The following BNC2 variants were observed in gnomAD, a reference collection of about 807,000 sequenced individuals.
BNC2 encodes the protein basonuclin zinc finger protein 2, also known as zinc finger protein basonuclin-2.
BNC2 carries 20 observed loss-of-function variants against 76.3 expected under a neutral mutation model. That is an observed-to-expected ratio of 0.26 (90% CI 0.18 to 0.38). The LOEUF (loss-of-function observed/expected upper bound fraction) is 0.38, where lower values mean the gene tolerates loss of function less well. Among genes scored for constraint, BNC2 ranks in the 10% least tolerant of loss-of-function variants. BNC2 has a pLI of 1.00. For missense variants in BNC2, 1,382 were observed against 1,399.8 expected, an observed-to-expected ratio of 0.99 and a Z score of 0.20; for synonymous variants, 582 against 514.8, an observed-to-expected ratio of 1.13 and a Z score of -1.77.
intron 3 of BNC2, among the ~76,000 whole-genome samples, chr9:16,721,542 G>A (rs776583171): frequency 6.6e-6 from 1 of 152,130 alleles, no homozygotes; most frequent in Non-Finnish European, 1.5e-5. Flanking sequence ...AAGGTCTGGA[G>A]AAGGGTGGTC....
intron 3 of BNC2, among the ~76,000 whole-genome samples, chr9:16,667,080 T>TACACACACACACACAC (rs139744564): frequency 7.0e-6 from 1 of 142,414 alleles, no homozygotes; most frequent in Non-Finnish European, 1.6e-5. Context: ...CAGATACACA[T>TACACACACACACACAC]ACACACACAC....
chr9:16,675,566 T>G (rs2134226927), intron 3 of BNC2, among the ~76,000 whole-genome samples: 1 of 152,278 alleles, frequency 6.6e-6, no homozygotes, highest in South Asian at 2.1e-4. Flanking sequence ...CCTGGCCTAA[T>G]TTTCGAAGAA....
At position 16,510,250 on chromosome 9, in the gene BNC2, TC is replaced by T. The variant is rs567400927; in HGVS notation, c.669+42279del. On this transcript the variant is annotated intron_variant, in intron 5 of 6. Transcript: ENST00000380672. ...TCTACAAAAGAGAAAATGTCCAACT[TC>T]CTCACTGGGTGGACAGCCTCCTGCT... Among the ~76,000 whole-genome samples the T allele has an allele frequency of 2.1e-4, 32 of 152,296 alleles. No homozygotes were observed. In the South Asian group the frequency reaches 6.6e-3, roughly 32 times the overall value.
At chr9:16,669,307 C>T (rs1487284148) in intron 3 of BNC2, among the ~76,000 whole-genome samples, 1 of 152,160 alleles carries the variant, frequency 6.6e-6, no homozygotes, top group Non-Finnish European at 1.5e-5. Flanking sequence ...ACTCCTTATC[C>T]TCTAGATGGA....
intron 1 of BNC2, among the ~76,000 whole-genome samples, chr9:16,805,530 A>G (rs1379678099): frequency 6.6e-6 from 1 of 151,928 alleles, no homozygotes; most frequent in Non-Finnish European, 1.5e-5. Context: ...GTTTCATCAT[A>G]TTGGTCAGGC....
chr9:16,686,956 C>T (rs1822996941), intron 3 of BNC2, among the ~76,000 whole-genome samples: 1 of 152,072 alleles, frequency 6.6e-6, no homozygotes, highest in Non-Finnish European at 1.5e-5. Flanking sequence ...ACTCTTTACC[C>T]AAGAGTTTCA....
intron 1 of BNC2, among the ~76,000 whole-genome samples, chr9:16,851,444 T>A (rs1819124928): frequency 6.6e-6 from 1 of 152,092 alleles, no homozygotes; most frequent in African/African-American, 2.4e-5. Context: ...AGGTCAAGGC[T>A]GCAGTGAGCC....
chr9:16,699,422 T>C (rs1482888863), intron 3 of BNC2, among the ~76,000 whole-genome samples: 2 of 152,242 alleles, frequency 1.3e-5, no homozygotes, highest in Admixed American at 1.3e-4. Context: ...CAGTGACTGA[T>C]TCTCAGTGAA....
intron 3 of BNC2, among the ~76,000 whole-genome samples, chr9:16,651,126 GA>G (rs1821783064): frequency 6.6e-6 from 1 of 152,122 alleles, no homozygotes; most frequent in South Asian, 2.1e-4. Flanking sequence ...ATGCAAAAAA[GA>G]AGGCTTGAAT....
intron 1 of BNC2, among the ~76,000 whole-genome samples, chr9:16,781,246 G>GATCTGGATTCAAGACCTCACGTT (rs58363689): frequency 6.6e-6 from 1 of 151,812 alleles, no homozygotes; most frequent in African/African-American, 2.4e-5. Flanking sequence ...AAGGTCTGAA[G>GATCTGGATTCAAGACCTCACGTT]ATCAGGGCTG....
At chr9:16,455,974 T>C (rs1821439519) in intron 5 of BNC2, among the ~76,000 whole-genome samples, 1 of 152,178 alleles carries the variant, frequency 6.6e-6, no homozygotes, top group Non-Finnish European at 1.5e-5. Context: ...GAATTGCTTC[T>C]CTCTGTGAAC....
chr9:16,667,639 T>C (rs1587293813), intron 3 of BNC2, among the ~76,000 whole-genome samples: 1 of 152,176 alleles, frequency 6.6e-6, no homozygotes, highest in South Asian at 2.1e-4. Context: ...CTAGCATAAA[T>C]TATTTAGATA....
At chr9:16,603,205 T>G (rs1298037237) in intron 3 of BNC2, among the ~76,000 whole-genome samples, 1 of 152,188 alleles carries the variant, frequency 6.6e-6, no homozygotes, top group Non-Finnish European at 1.5e-5. Context: ...AACAGAAATG[T>G]TCACACACTA....
chr9:16,729,898 A>C (rs1482338943), intron 2 of BNC2, among the ~76,000 whole-genome samples: 1 of 152,102 alleles, frequency 6.6e-6, no homozygotes, highest in Non-Finnish European at 1.5e-5. Context: ...GACACTGTCA[A>C]TAGCAAGCTT....
At chr9:16,553,004 A>G (rs1410872097) in intron 4 of BNC2, among the ~76,000 whole-genome samples, 1 of 152,168 alleles carries the variant, frequency 6.6e-6, no homozygotes, top group Non-Finnish European at 1.5e-5. Flanking sequence ...GCAGGCAACA[A>G]CAAATAGAAA....
chr9:16,460,755 G>A (rs957456730), intron 5 of BNC2, among the ~76,000 whole-genome samples: 10 of 151,950 alleles, frequency 6.6e-5, no homozygotes, highest in Admixed American at 3.9e-4. Context: ...AGTTACCCAG[G>A]TGTAAAACAA....
intron 3 of BNC2, among the ~76,000 whole-genome samples, chr9:16,712,616 G>GAC (rs1039029597): frequency 2.1e-4 from 32 of 152,194 alleles, no homozygotes; most frequent in African/African-American, 7.5e-4. Flanking sequence ...CAACACAACG[G>GAC]ACACACACAC....
chr9:16,462,246 C>A (rs1446912997), intron 5 of BNC2, among the ~76,000 whole-genome samples: 1 of 152,128 alleles, frequency 6.6e-6, no homozygotes. Flanking sequence ...TTATTAAAGC[C>A]AGTTAGAACA....
At chr9:16,477,451 C>T (rs1183645137) in intron 5 of BNC2, among the ~76,000 whole-genome samples, 1 of 151,992 alleles carries the variant, frequency 6.6e-6, no homozygotes, top group African/African-American at 2.4e-5. Flanking sequence ...AGCTGTCTCA[C>T]TTAGACAATC....
Sources: allele counts gnomAD v4.1 joint callset (sites outside exome capture counted in the v4.1 genomes callset), GRCh38; gene constraint gnomAD v4.1.1; transcripts MANE v1.5; gene names NCBI Gene and HGNC (gene_info 2026-07-23, HGNC 2026-07-21).